Variants in C2CD2 observed in about 807,000 individuals in gnomAD.
C2CD2 encodes C2 domain-containing protein 2.
A neutral mutation model predicts 74.3 loss-of-function variants in C2CD2; 43 were observed. That is an observed-to-expected ratio of 0.58 (90% CI 0.45 to 0.75). C2CD2 has a LOEUF of 0.75. C2CD2 is among the 30% of genes least tolerant of loss of function. The pLI, the probability that C2CD2 is intolerant of heterozygous loss-of-function variation, is 0.00. For synonymous variants in C2CD2, 422 were observed against 390.7 expected (o/e 1.08, Z -0.94); for missense variants, 801 against 916.3 (o/e 0.87, Z 1.63).
chr21:41,944,162 A>G (rs73221444), intron 1 of C2CD2, among the ~76,000 whole-genome samples: 3,652 of 152,304 alleles, frequency 0.024, 45 homozygotes, highest in Middle Eastern at 0.051. Context: ...TGCTCCCCTG[A>G]GGCGGCAGAT....
intron 13 of C2CD2, among the ~76,000 whole-genome samples, chr21:41,896,744 T>TA (rs1432533826): frequency 1.3e-4 from 20 of 150,080 alleles, no homozygotes; most frequent in Non-Finnish European, 3.0e-4. Context: ...CTTTAGTTTT[T>TA]AAAAAAAGAC....
chr21:41,894,447 T>C (rs2064796866), intron 13 of C2CD2: 1 of 362,094 alleles, frequency 2.8e-6, no homozygotes, highest in Non-Finnish European at 5.4e-6. Context: ...GCTTTCTGGC[T>C]CTGAAGTCCA....
intron 11 of C2CD2, 47 bp from the exon 12 acceptor site, chr21:41,901,796 C>T (rs1270153663): frequency 1.3e-6 from 2 of 1,567,448 alleles, no homozygotes; most frequent in African/African-American, 2.7e-5. Flanking sequence ...AAATTAAAGA[C>T]TTCCATGGGA....
At position 41,887,205 on chromosome 21, in the gene C2CD2, T is replaced by C. The variant is rs1454780430; in HGVS notation, c.*1919A>G. The C allele has an allele frequency of 6.6e-6, 1 of 152,232 alleles. No individual in the cohort carries two copies. Among genetic ancestry groups the C allele is most frequent in the Non-Finnish European group, 1.5e-5 (1 of 68,040 alleles). The allele number at this position is 152,232 out of a possible 1,614,324, so 9.4% of individuals were successfully genotyped here. ...CATTAAAGTGAACATCTGTCCCATC[T>C]GTCCCAAAAGACTAACAGTGATGCC... On this transcript the variant is annotated 3_prime_UTR_variant, in exon 14 of 14. Coordinates refer to ENST00000380486, the MANE Select transcript of C2CD2 (RefSeq NM_015500.2).
chr21:41,906,179 T>G (rs1359732931), intron 10 of C2CD2, among the ~76,000 whole-genome samples: 1 of 152,240 alleles, frequency 6.6e-6, no homozygotes, highest in African/African-American at 2.4e-5. Flanking sequence ...CAGAAACTTC[T>G]GTCTCCAAGG....
intron 1 of C2CD2, among the ~76,000 whole-genome samples, chr21:41,949,422 A>G (rs1461196374): frequency 6.6e-6 from 1 of 152,208 alleles, no homozygotes; most frequent in East Asian, 1.9e-4. Flanking sequence ...AAGAGTGATC[A>G]CATCAATGGG....
intron 2 of C2CD2, 183 bp downstream of exon 2, chr21:41,941,964 C>T (rs1243734996): frequency 1.2e-5 from 4 of 330,692 alleles, no homozygotes; most frequent in South Asian, 1.2e-4. Flanking sequence ...GGCGGAATAA[C>T]GTCCCATTAT....
intron 3 of C2CD2, 44 bp from the exon 4 acceptor site, chr21:41,919,004 G>T: frequency 7.2e-7 from 1 of 1,389,028 alleles, no homozygotes; most frequent in Non-Finnish European, 1.0e-6. Flanking sequence ...TTCCACCAAA[G>T]CCTTAATGTG....
rs1166156570 is a variant in C2CD2 at position 41,926,124 on chromosome 21, A to T, written c.379-4039T>A. 1.3e-5 allele frequency among the ~76,000 whole-genome samples: 2 copies of T among 152,236 alleles called. No individual in the cohort carries two copies. Among genetic ancestry groups the T allele is most frequent in the Non-Finnish European group, 2.9e-5 (2 of 68,040 alleles). ...AGGACAGGAGTGAACCCCCAGCCCCAGGGAAGAACTCCACAGAGCCCAGGT... is the reference window on the plus strand; with the variant it reads ...AGGACAGGAGTGAACCCCCAGCCCCTGGGAAGAACTCCACAGAGCCCAGGT... On this transcript the variant is annotated intron_variant, in intron 2 of 13. Coordinates refer to ENST00000380486, the MANE Select transcript of C2CD2 (RefSeq NM_015500.2). The surrounding 1 kb of genome is among the most constrained non-coding windows in gnomAD (Gnocchi z 8.0).
rs762993037 is a variant in C2CD2 at position 41,889,228 on chromosome 21, G to A, written c.1987C>T (p.Arg663Trp). The A allele has an allele frequency of 5.6e-6, 9 of 1,613,842 alleles. No homozygotes were observed. The highest frequency in any genetic ancestry group is 1.7e-5 in the Admixed American group (1 of 60,022). ...LVFLEQPEGSRRKGITLTRIL... is the reference protein window; with the variant it reads ...LVFLEQPEGSWRKGITLTRIL... ...CTGGTGAGGGTGATGCCTTTCCTCC[G>A]GGAACCCTCTGGCTGCTCCAGGAAC... is the stretch of plus-strand genomic sequence containing the variant. The change falls in exon 14 of 14, where the codon CGG becomes TGG. Residue 663 changes from arginine (R) to tryptophan (W), a missense_variant. Physicochemically the swap from Arg to Trp is moderately radical, Grantham distance 101 (BLOSUM62 -3). Coordinates refer to ENST00000380486, the MANE Select transcript of C2CD2 (RefSeq NM_015500.2).
At chr21:41,912,503 T>A (rs1307040910) in intron 6 of C2CD2, 63 bp from the exon 7 acceptor site, 132 of 821,778 alleles carry the variant, frequency 1.6e-4, no homozygotes, top group South Asian at 7.9e-4. Context: ...ATTTTTTTTT[T>A]TTTTTGAGAC....
chr21:41,921,491 A>C (rs1309287624), intron 3 of C2CD2, among the ~76,000 whole-genome samples: 2 of 152,250 alleles, frequency 1.3e-5, no homozygotes, highest in Non-Finnish European at 2.9e-5. Flanking sequence ...TCTATTATGA[A>C]AACATGGAAT....
At position 41,932,709 on chromosome 21, in the gene C2CD2, G is replaced by A. The variant is rs147150082; in HGVS notation, c.378+9438C>T. Among the ~76,000 whole-genome samples the A allele has an allele frequency of 5.8e-3, 870 of 150,756 alleles. 22 individuals carry two copies. Among genetic ancestry groups the A allele is most frequent in the African/African-American group, 0.02 (819 of 41,488 alleles). On this transcript the variant is annotated intron_variant, in intron 2 of 13. Coordinates refer to ENST00000380486, the MANE Select transcript of C2CD2 (RefSeq NM_015500.2). ...TCCTGGCCGCAGCCGCGGCTGGGCC[G>A]GGTGTGGACTCTGCACTTATCTATC...
At chr21:41,896,070 G>A (rs535574513) in intron 13 of C2CD2, among the ~76,000 whole-genome samples, 1 of 152,312 alleles carries the variant, frequency 6.6e-6, no homozygotes, top group African/African-American at 2.4e-5. Flanking sequence ...AGGAACACGC[G>A]GAACTAGCAA....
intron 7 of C2CD2, among the ~76,000 whole-genome samples, chr21:41,910,691 T>TACAC (rs34542509): frequency 0.021 from 3,115 of 151,648 alleles, 128 homozygotes; most frequent in African/African-American, 0.07. Context: ...ATAAAAGCTA[T>TACAC]ACACACACAC....
intron 12 of C2CD2, chr21:41,901,351 G>T: frequency 2.0e-6 from 1 of 511,882 alleles, no homozygotes; most frequent in Non-Finnish European, 3.6e-6. Context: ...CCTCTCTTTC[G>T]ATAATTTTTC....
rs962011817 is a variant in C2CD2 at position 41,892,037 on chromosome 21, T to C, written c.1871-2693A>G. The stretch of plus-strand genomic sequence containing the variant: ...TCCTAATCCCCAGTACTTCACAGAA[T>C]GTGACCTTATTTGGAGATGGGGTCC... On this transcript the variant is annotated intron_variant, in intron 13 of 13. Coordinates refer to ENST00000380486, the MANE Select transcript of C2CD2 (RefSeq NM_015500.2). This position sits in a 1 kb window ranked among gnomAD's most constrained non-coding sequence, Gnocchi z 4.6. Among the ~76,000 whole-genome samples, 2 of 137,884 alleles carry C rather than the reference T, an allele frequency of 1.5e-5. No homozygotes were observed. The highest frequency in any genetic ancestry group is 3.1e-5 in the Non-Finnish European group (2 of 65,244). 90.5% of individuals were successfully genotyped at this position (137,884 alleles called of 152,430 possible). A position where few individuals can be genotyped will look rare whatever the true frequency, so the allele number is the denominator to read the frequency against.
intron 13 of C2CD2, among the ~76,000 whole-genome samples, chr21:41,891,919 C>T (rs1409518707): frequency 6.6e-6 from 1 of 152,220 alleles, no homozygotes; most frequent in Non-Finnish European, 1.5e-5. Context: ...TGAAGCTGGC[C>T]TGGCGTCTGT....
intron 2 of C2CD2, among the ~76,000 whole-genome samples, chr21:41,941,738 A>T (rs922596438): frequency 1.3e-5 from 2 of 152,130 alleles, no homozygotes; most frequent in Non-Finnish European, 2.9e-5. Flanking sequence ...CCTTCAACCC[A>T]TCAGCAGTTA....
Sources: gnomAD v4.1 joint callset for allele counts (sites outside exome capture counted in the v4.1 genomes callset) on GRCh38, gnomAD v4.1.1 for gene constraint, Gnocchi (gnomAD v3.1) non-coding constraint, MANE v1.5 for transcripts, NCBI Gene and HGNC (gene_info 2026-07-23, HGNC 2026-07-21) for gene names.